The following CDKAL1 variants were observed in gnomAD, a reference collection of about 807,000 sequenced individuals.
CDKAL1 encodes the protein CDKAL1 threonylcarbamoyladenosine tRNA methylthiotransferase.
Under a neutral mutation model 68.2 loss-of-function variants are expected in CDKAL1, and 32 were observed. That is an observed-to-expected ratio of 0.47 (90% CI 0.35 to 0.63). The LOEUF (loss-of-function observed/expected upper bound fraction) is 0.63. Ranked by LOEUF, CDKAL1 falls within the 30% of genes least tolerant of loss-of-function variation. CDKAL1 has a pLI of 0.00. For missense variants in CDKAL1, 606 were observed against 696.7 expected (o/e 0.87, Z 1.47); for synonymous variants, 234 against 244.3 (o/e 0.96, Z 0.39).
intron 5 of CDKAL1, among the ~76,000 whole-genome samples, chr6:20,698,715 T>C (rs1263065750): frequency 6.6e-6 from 1 of 152,180 alleles, no homozygotes; most frequent in Non-Finnish European, 1.5e-5. Flanking sequence ...ATTTTTAATA[T>C]TTCAGTATCA....
intron 13 of CDKAL1, among the ~76,000 whole-genome samples, chr6:21,114,247 C>CAAAA (rs55859447): frequency 2.9e-5 from 3 of 101,710 alleles, no homozygotes; most frequent in Non-Finnish European, 4.2e-5. Context: ...GACTCTGTCT[C>CAAAA]AAAAAAAAAA....
At chr6:20,638,929 G>A (rs1021491765) in intron 4 of CDKAL1, among the ~76,000 whole-genome samples, 1 of 152,002 alleles carries the variant, frequency 6.6e-6, no homozygotes, top group Non-Finnish European at 1.5e-5. Context: ...ACCGCGCCCG[G>A]CCTAGGGATT....
intron 4 of CDKAL1, among the ~76,000 whole-genome samples, chr6:20,557,547 ATGTATACATATGTATATATATG>A (rs1764104472): frequency 6.6e-6 from 1 of 152,168 alleles, no homozygotes; most frequent in South Asian, 2.1e-4. Flanking sequence ...TACTATATAT[ATGTATACATATGTATATATATG>A]TGAATACATA....
At chr6:20,769,876 A>G (rs546628177) in intron 7 of CDKAL1, among the ~76,000 whole-genome samples, 1 of 152,268 alleles carries the variant, frequency 6.6e-6, no homozygotes, top group African/African-American at 2.4e-5. Flanking sequence ...TTTGAAACCT[A>G]GTCCCCTTGT....
At chr6:20,951,957 C>CTT (rs10558500) in intron 9 of CDKAL1, among the ~76,000 whole-genome samples, 2 of 91,808 alleles carry the variant, frequency 2.2e-5, no homozygotes, top group African/African-American at 4.0e-5. Flanking sequence ...TTTTCATTTT[C>CTT]TTTTTTTTTT....
At chr6:20,836,277 C>A (rs891637850) in intron 8 of CDKAL1, among the ~76,000 whole-genome samples, 1 of 152,120 alleles carries the variant, frequency 6.6e-6, no homozygotes, top group Non-Finnish European at 1.5e-5. Flanking sequence ...TTCCAGCCAT[C>A]ATATTACCAA....
At chr6:20,870,591 C>A (rs1405146849) in intron 9 of CDKAL1, among the ~76,000 whole-genome samples, 3 of 152,238 alleles carry the variant, frequency 2.0e-5, no homozygotes, top group Admixed American at 6.5e-5. Context: ...ATTAAAATAT[C>A]AGCATTTTTT....
intron 8 of CDKAL1, among the ~76,000 whole-genome samples, chr6:20,803,801 T>C (rs1309365634): frequency 6.6e-6 from 1 of 152,094 alleles, no homozygotes; most frequent in Admixed American, 6.5e-5. Flanking sequence ...TTAAAAGAAA[T>C]AGCTACTGGG....
chr6:20,628,257 T>G (rs1016859251), intron 4 of CDKAL1, among the ~76,000 whole-genome samples: 3 of 152,156 alleles, frequency 2.0e-5, no homozygotes, highest in African/African-American at 7.2e-5. Flanking sequence ...TTTATGTGTT[T>G]GAGGTAAATC....
chr6:21,214,030 T>C (rs201572992), intron 15 of CDKAL1, among the ~76,000 whole-genome samples: 1 of 152,288 alleles, frequency 6.6e-6, no homozygotes, highest in East Asian at 1.9e-4. Flanking sequence ...TGCTACAGCA[T>C]AGGCAAATCT....
intron 9 of CDKAL1, among the ~76,000 whole-genome samples, chr6:20,927,601 T>G (rs949423367): frequency 1.3e-5 from 2 of 152,204 alleles, no homozygotes; most frequent in Non-Finnish European, 2.9e-5. Context: ...CAGGAAGATG[T>G]ATCCTAGACT....
chr6:20,608,302 CTATA>C (rs1195748182), intron 4 of CDKAL1, among the ~76,000 whole-genome samples: 1 of 151,848 alleles, frequency 6.6e-6, no homozygotes, highest in Non-Finnish European at 1.5e-5. Context: ...CACAAGTTAT[CTATA>C]TATAGTTTGT....
At chr6:21,208,996 A>G (rs9358397) in intron 15 of CDKAL1, among the ~76,000 whole-genome samples, 21,766 of 152,192 alleles carry the variant, frequency 0.14, 1,631 homozygotes, top group East Asian at 0.22. Context: ...ACTGATGATA[A>G]TTCTCTTCCT....
At chr6:20,711,444 T>G (rs1771842099) in intron 5 of CDKAL1, among the ~76,000 whole-genome samples, 1 of 152,192 alleles carries the variant, frequency 6.6e-6, no homozygotes, top group African/African-American at 2.4e-5. Flanking sequence ...GAAGACAAAT[T>G]GGAATCCTGG....
At chr6:20,893,673 G>A (rs1761527832) in intron 9 of CDKAL1, among the ~76,000 whole-genome samples, 1 of 152,144 alleles carries the variant, frequency 6.6e-6, no homozygotes, top group Non-Finnish European at 1.5e-5. Context: ...TGCTAAATCT[G>A]TGTGCCTTGA....
chr6:20,998,719 C>T (rs1438982153), intron 10 of CDKAL1, among the ~76,000 whole-genome samples: 1 of 151,990 alleles, frequency 6.6e-6, no homozygotes, highest in African/African-American at 2.4e-5. Context: ...ATAAGAAATT[C>T]TTCAACTCCA....
chr6:20,623,072 T>C (rs1767269128), intron 4 of CDKAL1, among the ~76,000 whole-genome samples: 1 of 152,106 alleles, frequency 6.6e-6, no homozygotes, highest in Admixed American at 6.6e-5. Flanking sequence ...AAAATGTACA[T>C]TAAAAGTCTT....
At chr6:20,936,022 A>G (rs546585190) in intron 9 of CDKAL1, among the ~76,000 whole-genome samples, 1 of 152,238 alleles carries the variant, frequency 6.6e-6, no homozygotes, top group Non-Finnish European at 1.5e-5. Context: ...ATTAGTGTAG[A>G]TATATAATAA....
chr6:20,553,431 C>A (rs1278748506), intron 4 of CDKAL1, among the ~76,000 whole-genome samples: 1 of 151,964 alleles, frequency 6.6e-6, no homozygotes, highest in South Asian at 2.1e-4. Context: ...ATTGCTTGAA[C>A]CCAGGAGGCG....
Sources: allele counts gnomAD v4.1 joint callset (sites outside exome capture counted in the v4.1 genomes callset), GRCh38; gene constraint gnomAD v4.1.1; transcripts MANE v1.5; gene names NCBI Gene and HGNC (gene_info 2026-07-23, HGNC 2026-07-21).